SPACA7: variants seen among roughly 807,000 people sequenced by gnomAD.
SPACA7 encodes the protein sperm acrosome-associated protein 7.
Under a neutral mutation model 26.3 loss-of-function variants are expected in SPACA7, and 19 were observed. The ratio of observed to expected loss-of-function variants is 0.72; its 90% CI spans 0.50 to 1.06. The LOEUF is 1.06. SPACA7 is among the 50% of genes least tolerant of loss of function. The pLI is 0.00. For synonymous variants in SPACA7, 84 were observed against 84.5 expected (o/e 0.99, Z 0.04); for missense variants, 211 against 229.9 (o/e 0.92, Z 0.53).
At chr13:112,382,662 T>C (rs1484805276) in intron 1 of SPACA7, among the ~76,000 whole-genome samples, 12 of 152,118 alleles carry the variant, frequency 7.9e-5, no homozygotes, top group Non-Finnish European at 1.6e-4. Flanking sequence ...TAATGAGTCC[T>C]AGGATAAGGA....
At chr13:112,417,294 T>A (rs1458689549) in intron 5 of SPACA7, among the ~76,000 whole-genome samples, 1 of 152,106 alleles carries the variant, frequency 6.6e-6, no homozygotes, top group Non-Finnish European at 1.5e-5. Context: ...CCTGCCTGTA[T>A]TATATTTTCT....
In SPACA7 at chr13:112,397,865, G is replaced by A. The variant is rs560381079; in HGVS notation, c.152-184G>A. Among the ~76,000 whole-genome samples, 48 of 152,102 alleles carry A rather than the reference G, an allele frequency of 3.2e-4. No homozygotes were observed. The South Asian group carries it at 6.5e-3, about 21-fold the overall frequency. Reference sequence around the variant, plus strand: ...TTCTGAAATTATTGAGGGAGGCAGCGGCCTGCCCACCCAGAGAAGGTTCTT... The same window carrying A: ...TTCTGAAATTATTGAGGGAGGCAGCAGCCTGCCCACCCAGAGAAGGTTCTT... On this transcript the variant is annotated intron_variant, in intron 2 of 6. Transcript: ENST00000283550.
At chr13:112,380,108 A>T (rs1022036076) in intron 1 of SPACA7, among the ~76,000 whole-genome samples, 2 of 152,174 alleles carry the variant, frequency 1.3e-5, no homozygotes, top group African/African-American at 4.8e-5. Flanking sequence ...AGTACCTCTT[A>T]CAATCTCTTA....
chr13:112,426,003 G>C (rs1027918817), intron 5 of SPACA7, among the ~76,000 whole-genome samples: 6 of 152,196 alleles, frequency 3.9e-5, no homozygotes, highest in Non-Finnish European at 2.9e-5. Context: ...AGTCACTACT[G>C]GTTCCCTAGG....
At chr13:112,409,383 A>G (rs563704163) in intron 5 of SPACA7, among the ~76,000 whole-genome samples, 30 of 152,364 alleles carry the variant, frequency 2.0e-4, no homozygotes, top group African/African-American at 6.7e-4. Context: ...ATTAAACTAA[A>G]GAGCTTCTGC....
At chr13:112,425,026 G>A (rs542083415) in intron 5 of SPACA7, among the ~76,000 whole-genome samples, 1 of 152,220 alleles carries the variant, frequency 6.6e-6, no homozygotes, top group South Asian at 2.1e-4. Context: ...CAGAGGACTG[G>A]AGAAGATGCT....
At chr13:112,428,617 G>A (rs1876772487) in intron 5 of SPACA7, among the ~76,000 whole-genome samples, 1 of 152,028 alleles carries the variant, frequency 6.6e-6, no homozygotes, top group African/African-American at 2.4e-5. Flanking sequence ...AAAAAGAAGT[G>A]TGCTATTTAG....
intron 1 of SPACA7, among the ~76,000 whole-genome samples, chr13:112,379,933 A>C: frequency 6.6e-6 from 1 of 152,270 alleles, no homozygotes; most frequent in East Asian, 1.9e-4. Context: ...AAGAAAATAT[A>C]GGAAGTAGCA....
rs1884730040 is a variant in SPACA7 at position 112,389,345 on chromosome 13, T to A, written c.95-3676T>A. Among the ~76,000 whole-genome samples, 4 of 152,226 alleles carry A rather than the reference T, an allele frequency of 2.6e-5. No individual in the cohort carries two copies. In the South Asian group the frequency reaches 8.3e-4, roughly 31 times the overall value. Reference sequence around the variant, plus strand: ...AAATAAAGCTACCATCATCTCCAGTTATTTCCCTGTTAACTATTTTTAAGT... The same window carrying A: ...AAATAAAGCTACCATCATCTCCAGTAATTTCCCTGTTAACTATTTTTAAGT... On this transcript the variant is annotated intron_variant, in intron 1 of 6. Transcript: ENST00000283550.
chr13:112,419,913 G>A (rs1886909807), intron 5 of SPACA7, among the ~76,000 whole-genome samples: 1 of 152,208 alleles, frequency 6.6e-6, no homozygotes, highest in Non-Finnish European at 1.5e-5. Context: ...GAAGGCTGAA[G>A]GCTAAAGGGA....
intron 1 of SPACA7, chr13:112,382,480 C>A: frequency 1.3e-6 from 2 of 1,550,236 alleles, no homozygotes; most frequent in Non-Finnish European, 1.7e-6. Flanking sequence ...TGACAGGGGA[C>A]GTAGTGGGAA....
intron 5 of SPACA7, among the ~76,000 whole-genome samples, chr13:112,407,292 A>G (rs970360829): frequency 1.3e-5 from 2 of 152,234 alleles, no homozygotes; most frequent in African/African-American, 4.8e-5. Context: ...ACACCCTAAC[A>G]TCACAATGAA....
At chr13:112,406,406 G>A (rs943798355) in intron 5 of SPACA7, among the ~76,000 whole-genome samples, 8 of 152,138 alleles carry the variant, frequency 5.3e-5, no homozygotes, top group Admixed American at 6.5e-5. Context: ...GTTCATCCCT[G>A]TCTTAGCATG....
chr13:112,410,037 T>TA (rs1306744656), intron 5 of SPACA7, among the ~76,000 whole-genome samples: 1 of 152,058 alleles, frequency 6.6e-6, no homozygotes, highest in East Asian at 1.9e-4. Context: ...TATGCAGCCA[T>TA]AAAAAAGGAT....
intron 2 of SPACA7, among the ~76,000 whole-genome samples, chr13:112,396,162 G>A (rs58398148): frequency 0.16 from 18,893 of 118,114 alleles, 2,436 homozygotes; most frequent in Middle Eastern, 0.28. Flanking sequence ...GGCCACTCCC[G>A]GCTTCGGGCA....
chr13:112,392,721 A>T (rs1884972991), intron 1 of SPACA7, among the ~76,000 whole-genome samples: 1 of 152,108 alleles, frequency 6.6e-6, no homozygotes, highest in African/African-American at 2.4e-5. Flanking sequence ...TTGACCTCTC[A>T]AGGGGTGATT....
At chr13:112,396,315 G>A (rs1465597225) in intron 2 of SPACA7, among the ~76,000 whole-genome samples, 7 of 152,136 alleles carry the variant, frequency 4.6e-5, no homozygotes, top group African/African-American at 1.4e-4. Context: ...AGTTGGCCAG[G>A]AAGTTCAGAC....
At chr13:112,401,185 CTG>C (rs1885618266) in intron 5 of SPACA7, 21 bp downstream of exon 5, 1 of 1,570,348 alleles carries the variant, frequency 6.4e-7, no homozygotes, top group African/African-American at 1.3e-5. Context: ...CCTGCCCACA[CTG>C]AGAGCTCTGT....
intron 6 of SPACA7, 146 bp from the exon 7 acceptor site, chr13:112,434,339 C>T: frequency 5.8e-6 from 4 of 693,926 alleles, no homozygotes; most frequent in Non-Finnish European, 1.0e-5. Flanking sequence ...GGTCCTCCTG[C>T]CCCAGACACA....
Sources: gnomAD v4.1 joint callset for allele counts (sites outside exome capture counted in the v4.1 genomes callset) on GRCh38, gnomAD v4.1.1 for gene constraint, MANE v1.5 for transcripts, NCBI Gene and HGNC (gene_info 2026-07-23, HGNC 2026-07-21) for gene names.